Variants in SERPINF2 observed in about 807,000 individuals in gnomAD.
SERPINF2 encodes serpin family F member 2, also known as alpha-2-antiplasmin.
Under a neutral mutation model 45.0 loss-of-function variants are expected in SERPINF2, and 15 were observed. The observed-to-expected ratio is 0.33, with a 90% confidence interval of 0.22 to 0.51. The LOEUF (loss-of-function observed/expected upper bound fraction) is 0.51, where lower values mean the gene tolerates loss of function less well. SERPINF2 is among the 20% of genes least tolerant of loss of function. SERPINF2 has a pLI of 0.97. For synonymous variants in SERPINF2, 283 were observed against 277.9 expected (o/e 1.02, Z -0.18); for missense variants, 518 against 637.4 (o/e 0.81, Z 2.02).
chr17:1,745,462 CG>C lies in SERPINF2; in HGVS notation c.165+73del. On this transcript the variant is annotated intron_variant, in intron 4 of 9. Coordinates refer to ENST00000453066, the MANE Select transcript of SERPINF2 (RefSeq NM_000934.4). The surrounding 1 kb of genome is among the most constrained non-coding windows in gnomAD (Gnocchi z 6.2). ...GGGAGGAGGGCCCATCGGCAGGGGT[CG>C]GGGGGTGGGGGCGCGTGCTGAGGCT... 3 of 136,250 alleles carry C rather than the reference CG, an allele frequency of 2.2e-5. No individual in the cohort carries two copies. Among genetic ancestry groups the C allele is most frequent in the Non-Finnish European group, 4.2e-5 (3 of 71,924 alleles). 8.4% of individuals were successfully genotyped at this position (136,250 alleles called of 1,614,324 possible).
chr17:1,754,349 G>A lies in SERPINF2; in HGVS notation c.1291G>A (p.Gly431Ser). The change falls in exon 10 of 10, where the codon GGC (glycine) becomes AGC (serine). Residue 431 changes from glycine (G) to serine (S), a missense_variant. Transcript: ENST00000453066. ...CACCACAGGCCTTCCCCTCTTCGTG[G>A]GCAGCGTGAGGAACCCCAACCCCAG... ...EDTTGLPLFV[G>S]SVRNPNPSAP... The A allele has an allele frequency of 6.2e-7, 1 of 1,614,116 alleles. No individual in the cohort carries two copies. The highest frequency in any genetic ancestry group is 1.1e-5 in the South Asian group (1 of 91,078).
At position 1,752,640 on chromosome 17, in the gene SERPINF2, C is replaced by T. The variant is rs763995304; in HGVS notation, c.913C>T (p.His305Tyr). 1.2e-6 allele frequency: 2 copies of T among 1,614,192 alleles called. No individual in the cohort carries two copies. Among genetic ancestry groups the T allele is most frequent in the Admixed American group, 3.3e-5 (2 of 60,018 alleles). The part of the protein sequence containing the change: ...NMSFVVLVPT[H>Y]FEWNVSQVLA... The stretch of plus-strand genomic sequence containing the variant: ...GAGCTTTGTGGTCCTTGTACCCACC[C>T]ACTTTGAATGGAACGTGTCCCAGGT... Residue 305 changes from histidine (H) to tyrosine (Y), a missense_variant, in exon 9 of 10, where the codon CAC becomes TAC. Around this residue, in one of 2 missense-constraint regions of SERPINF2, gnomAD observed 435 missense variants for 577.3 expected, o/e 0.75. Coordinates refer to ENST00000453066, the MANE Select transcript of SERPINF2 (RefSeq NM_000934.4).
intron 8 of SERPINF2, among the ~76,000 whole-genome samples, chr17:1,750,806 C>G (rs1906322846): frequency 6.6e-6 from 1 of 152,154 alleles, no homozygotes; most frequent in South Asian, 2.1e-4. Context: ...TGGGAGGGGG[C>G]TGTGGGTGAG....
intron 5 of SERPINF2, 28 bp from the exon 6 acceptor site, chr17:1,746,991 G>C: frequency 6.3e-7 from 1 of 1,598,848 alleles, no homozygotes; most frequent in Non-Finnish European, 8.5e-7. Flanking sequence ...ACCCGCAGCC[G>C]GGCCTCAGCC....
chr17:1,754,664 CA>C lies in SERPINF2; in HGVS notation c.*131del. ...TCTGAGAGAGGCCATTCTTTCCCAA[CA>C]CCTCTTGGGGAGTTTAGGGTGGGGG... On this transcript the variant is annotated 3_prime_UTR_variant, in exon 10 of 10. Transcript: ENST00000453066. 1.5e-6 allele frequency: 1 copy of C among 658,598 alleles called. No individual in the cohort carries two copies. Among genetic ancestry groups the C allele is most frequent in the Non-Finnish European group, 2.4e-6 (1 of 425,224 alleles). The allele number at this position is 658,598 out of a possible 1,614,324, so 40.8% of individuals were successfully genotyped here. A position where few individuals can be genotyped will look rare whatever the true frequency, so the allele number is the denominator to read the frequency against.
chr17:1,751,451 A>G lies in SERPINF2; in HGVS notation c.859-1135A>G, dbSNP rs1317071844. Among the ~76,000 whole-genome samples the G allele has an allele frequency of 4.2e-5, 5 of 118,388 alleles. 1 individual carries two copies. The highest frequency in any genetic ancestry group is 6.9e-4 in the East Asian group (2 of 2,884). 77.7% of individuals were successfully genotyped at this position (118,388 alleles called of 152,430 possible). ...ACAATAAGAGTGAAACTCTGTCTTGAAAAAAAAAAAAAAAGAGGCTGGGTG... is the reference window on the plus strand; with the variant it reads ...ACAATAAGAGTGAAACTCTGTCTTGGAAAAAAAAAAAAAAGAGGCTGGGTG... On this transcript the variant is annotated intron_variant, in intron 8 of 9. Coordinates refer to ENST00000453066, the MANE Select transcript of SERPINF2 (RefSeq NM_000934.4).
chr17:1,746,969 G>A lies in SERPINF2; in HGVS notation c.368-50G>A, dbSNP rs527876433. 6.3e-5 allele frequency: 100 copies of A among 1,591,422 alleles called. No homozygotes were observed. In the East Asian group the frequency reaches 2.0e-3, roughly 31 times the overall value. On this transcript the variant is annotated intron_variant, in intron 5 of 9. Transcript: ENST00000453066. ...CAGGAGGGACTGGAGTGGGCAGTGG[G>A]GGTGAGAAAGGACCCGCAGCCGGGC... is the stretch of plus-strand genomic sequence containing the variant.
In SERPINF2 at chr17:1,745,738, C is replaced by A. The variant is rs772959548; in HGVS notation, c.196C>A (p.Pro66Thr). The change falls in exon 5 of 10, where the codon CCC (proline) becomes ACC (threonine). Residue 66 changes from proline to threonine, a missense_variant. By Grantham distance (38) the Pro-to-Thr change is conservative. Around this residue, in one of 2 missense-constraint regions of SERPINF2, gnomAD observed 435 missense variants for 577.3 expected, o/e 0.75. Transcript: ENST00000453066. The surrounding 1 kb of genome is among the most constrained non-coding windows in gnomAD (Gnocchi z 6.2). ...EPGGQTALKSPPGVCSRDPTP... is the reference protein window; with the variant it reads ...EPGGQTALKSTPGVCSRDPTP... ...TGGTGGCCAGACTGCCCTGAAGAGT[C>A]CCCCAGGAGTCTGCAGCAGAGACCC... 12 of 1,613,716 alleles carry A rather than the reference C, an allele frequency of 7.4e-6. No individual in the cohort carries two copies. The highest frequency in any genetic ancestry group is 2.2e-5 in the South Asian group (2 of 91,080).
intron 8 of SERPINF2, among the ~76,000 whole-genome samples, chr17:1,749,852 G>T (rs188359087): frequency 6.6e-6 from 1 of 152,234 alleles, no homozygotes; most frequent in African/African-American, 2.4e-5. Context: ...TAGCCACTCA[G>T]GGTCTCTGCA....
Position 1,745,596 on chromosome 17 carries a change from G to A in SERPINF2, c.166-112G>A, listed in dbSNP as rs1466146838. 1 of 1,271,896 alleles carries A rather than the reference G, an allele frequency of 7.9e-7. No homozygotes were observed. The highest frequency in any genetic ancestry group is 1.1e-6 in the Non-Finnish European group (1 of 895,886). 78.8% of individuals were successfully genotyped at this position (1,271,896 alleles called of 1,614,324 possible). A position where few individuals can be genotyped will look rare whatever the true frequency, so the allele number is the denominator to read the frequency against. On this transcript the variant is annotated intron_variant, in intron 4 of 9. Transcript: ENST00000453066. This position sits in a 1 kb window ranked among gnomAD's most constrained non-coding sequence, Gnocchi z 6.2. Reference sequence around the variant, plus strand: ...CTCCGTCTGACGCTCCCTCTTCCCTGGGGCTGGGACAAGGCCCTGCTGTCC... The same window carrying A: ...CTCCGTCTGACGCTCCCTCTTCCCTAGGGCTGGGACAAGGCCCTGCTGTCC...
chr17:1,753,937 G>A (rs1749709232), intron 9 of SERPINF2, among the ~76,000 whole-genome samples, 185 bp from the exon 10 acceptor site: 1 of 152,208 alleles, frequency 6.6e-6, no homozygotes, highest in South Asian at 2.1e-4. Flanking sequence ...TTAGAGCTGG[G>A]GATCAGGGAA....
At position 1,752,862 on chromosome 17, in the gene SERPINF2, G is replaced by A. The variant is rs759159461; in HGVS notation, c.1063+72G>A. On this transcript the variant is annotated intron_variant, in intron 9 of 9. Transcript: ENST00000453066. ...GCGGGTAAGGAGGAAGCGTCTGGCT[G>A]GCAGTGGAGCTGAGTCAGAGCTGTC... 1.0e-5 allele frequency: 14 copies of A among 1,363,026 alleles called. 1 individual carries two copies. Among genetic ancestry groups the A allele is most frequent in the Non-Finnish European group, 1.4e-5 (14 of 984,402 alleles). The allele number at this position is 1,363,026 out of a possible 1,614,324, so 84.4% of individuals were successfully genotyped here. A position where few individuals can be genotyped will look rare whatever the true frequency, so the allele number is the denominator to read the frequency against.
At chr17:1,750,043 G>C (rs926327505) in intron 8 of SERPINF2, among the ~76,000 whole-genome samples, 1 of 151,540 alleles carries the variant, frequency 6.6e-6, no homozygotes, top group Non-Finnish European at 1.5e-5. Flanking sequence ...GCACGATCTC[G>C]GCTCACTGCA....
rs771850782 is a variant in SERPINF2 at position 1,754,416 on chromosome 17, A to G, written c.1358A>G (p.Asn453Ser). 2.5e-6 allele frequency: 4 copies of G among 1,613,158 alleles called. No homozygotes were observed. The highest frequency in any genetic ancestry group is 3.4e-6 in the Non-Finnish European group (4 of 1,179,344). The change falls in exon 10 of 10, where the codon AAC becomes AGC. Residue 453 changes from asparagine to serine, a missense_variant. Physicochemically the swap from Asn to Ser is conservative, Grantham distance 46. Coordinates refer to ENST00000453066, the MANE Select transcript of SERPINF2 (RefSeq NM_000934.4). ...ELKEQQDSPG[N>S]KDFLQSLKGF... ...AAGGAACAGCAGGATTCCCCGGGCA[A>G]CAAGGACTTCCTCCAGAGCCTGAAA...
chr17:1,743,715 CAAAAAAAA>C (rs61163841), intron 1 of SERPINF2, among the ~76,000 whole-genome samples: 16 of 33,742 alleles, frequency 4.7e-4, no homozygotes, highest in African/African-American at 1.3e-3. Flanking sequence ...AACTCCATCT[CAAAAAAAA>C]AAAAAAAAAA....
rs1567738381 is a variant in SERPINF2, at chr17:1,745,922, C to G, written c.367+13C>G. 1.9e-6 allele frequency: 3 copies of G among 1,611,702 alleles called. No homozygotes were observed. The highest frequency in any genetic ancestry group is 2.5e-6 in the Non-Finnish European group (3 of 1,179,288). On this transcript the variant is annotated intron_variant, in intron 5 of 9. Transcript: ENST00000453066. The surrounding 1 kb of genome is among the most constrained non-coding windows in gnomAD (Gnocchi z 6.2). The stretch of plus-strand genomic sequence containing the variant: ...CACCTGGCACTAGGTACCCTGGCAC[C>G]ACTTGTCCAGACCAAGAGAGCTGGG...
chr17:1,744,999 G>T lies in SERPINF2; in HGVS notation c.4G>T (p.Ala2Ser), dbSNP rs17852960. ...TTTCTGTCCCTGCCACAGGAACATG[G>T]CGCTGCTCTGGGGGCTCCTGGTGCT... M[A>S]LLWGLLVLSW... The change falls in exon 2 of 10, where the codon GCG becomes TCG. Residue 2 changes from alanine (A) to serine (S), a missense_variant. Physicochemically the swap from Ala to Ser is moderately conservative, Grantham distance 99. Coordinates refer to ENST00000453066, the MANE Select transcript of SERPINF2 (RefSeq NM_000934.4). The T allele has an allele frequency of 6.2e-7, 1 of 1,613,906 alleles. No individual in the cohort carries two copies. Among genetic ancestry groups the T allele is most frequent in the South Asian group, 1.1e-5 (1 of 91,086 alleles).
At position 1,748,156 on chromosome 17, in the gene SERPINF2, C is replaced by T. The variant is rs1160553210; in HGVS notation, c.716-442C>T. On this transcript the variant is annotated intron_variant, in intron 7 of 9. Coordinates refer to ENST00000453066, the MANE Select transcript of SERPINF2 (RefSeq NM_000934.4). Reference sequence around the variant, plus strand: ...TCTGCTAAAAATACAAAAAAATTAGCTGGGCGTAGTGGCGGGCACCTGTAG... The same window carrying T: ...TCTGCTAAAAATACAAAAAAATTAGTTGGGCGTAGTGGCGGGCACCTGTAG... Among the ~76,000 whole-genome samples, 3 of 151,988 alleles carry T rather than the reference C, an allele frequency of 2.0e-5. No individual in the cohort carries two copies. The East Asian group carries it at 5.8e-4, about 30-fold the overall frequency.
In SERPINF2 at chr17:1,745,721, A is replaced by T; in HGVS notation, c.179A>T (p.Gln60Leu). The T allele has an allele frequency of 6.2e-7, 1 of 1,613,660 alleles. No individual in the cohort carries two copies. The highest frequency in any genetic ancestry group is 1.1e-5 in the South Asian group (1 of 91,074). ...CTGTCCCTGCAGGAGCCTGGTGGCC[A>T]GACTGCCCTGAAGAGTCCCCCAGGA... The part of the protein sequence containing the change: ...LKLGNQEPGG[Q>L]TALKSPPGVC... Residue 60 changes from glutamine (Q) to leucine (L), a missense_variant, in exon 5 of 10, where the codon CAG (glutamine) becomes CTG (leucine). Around this residue, in one of 2 missense-constraint regions of SERPINF2, gnomAD observed 435 missense variants for 577.3 expected, o/e 0.75. Coordinates refer to ENST00000453066, the MANE Select transcript of SERPINF2 (RefSeq NM_000934.4). This position sits in a 1 kb window ranked among gnomAD's most constrained non-coding sequence, Gnocchi z 6.2.
Sources: allele counts gnomAD v4.1 joint callset (sites outside exome capture counted in the v4.1 genomes callset), GRCh38; gene constraint gnomAD v4.1.1; regional missense constraint gnomAD v4.1.1; non-coding constraint Gnocchi (gnomAD v3.1); transcripts MANE v1.5; gene names NCBI Gene and HGNC (gene_info 2026-07-23, HGNC 2026-07-21).